The following TENM2 variants were observed in gnomAD, a reference collection of about 807,000 sequenced individuals.
TENM2 encodes teneurin transmembrane protein 2.
TENM2 carries 52 observed loss-of-function variants against 245.2 expected under a neutral mutation model. That is an observed-to-expected ratio of 0.21 (90% CI 0.17 to 0.27). TENM2 has a LOEUF of 0.27. Ranked by LOEUF, TENM2 falls within the 10% of genes least tolerant of loss-of-function variation. The pLI, the probability that TENM2 is intolerant of heterozygous loss-of-function variation, is 1.00. For missense variants in TENM2, 3,046 were observed against 3,666.8 expected (o/e 0.83, Z 4.37); for synonymous variants, 1,363 against 1,438.9 (o/e 0.95, Z 1.19).
chr5:167,025,020 T>C, the TENM2 span, among the ~76,000 whole-genome samples: 3 of 152,196 alleles, frequency 2.0e-5, no homozygotes, highest in Non-Finnish European at 4.4e-5. Flanking sequence ...AATTGTAGAC[T>C]GACAGTGATA....
chr5:167,176,104 T>C, the TENM2 span, among the ~76,000 whole-genome samples: 31 of 152,184 alleles, frequency 2.0e-4, no homozygotes, highest in Admixed American at 3.3e-4. Context: ...AGAATCCTCA[T>C]TGCACTTCAA....
the TENM2 span, among the ~76,000 whole-genome samples, chr5:167,184,181 C>A: frequency 6.6e-6 from 1 of 152,060 alleles, no homozygotes; most frequent in Admixed American, 6.6e-5. Context: ...ATTCTTAGCT[C>A]GGAATATATT....
intron 4 of TENM2, among the ~76,000 whole-genome samples, chr5:167,982,982 A>G (rs900648776): frequency 6.6e-6 from 1 of 152,034 alleles, no homozygotes; most frequent in Non-Finnish European, 1.5e-5. Context: ...ATCTACCTCT[A>G]CCTGCCGGTG....
chr5:167,494,033 G>T (rs1002717655), intron 2 of TENM2, among the ~76,000 whole-genome samples: 1 of 152,110 alleles, frequency 6.6e-6, no homozygotes, highest in Non-Finnish European at 1.5e-5. Flanking sequence ...TAGCCCTCAT[G>T]GGGAAAAATA....
chr5:167,028,570 T>G, the TENM2 span, among the ~76,000 whole-genome samples: 1 of 152,240 alleles, frequency 6.6e-6, no homozygotes, highest in Non-Finnish European at 1.5e-5. Flanking sequence ...GTGAATTTTT[T>G]AGGTGGGAGT....
intron 17 of TENM2, among the ~76,000 whole-genome samples, chr5:168,201,064 G>A (rs1159080361): frequency 6.6e-6 from 1 of 151,968 alleles, no homozygotes; most frequent in African/African-American, 2.4e-5. Flanking sequence ...CCTCAAGTAG[G>A]CACCCTCATA....
intron 2 of TENM2, among the ~76,000 whole-genome samples, chr5:167,436,333 C>T (rs7710471): frequency 0.05 from 7,673 of 152,006 alleles, 281 homozygotes; most frequent in African/African-American, 0.1. Flanking sequence ...GTGTTCCCCC[C>T]ACCTCAGCCT....
Position 167,839,315 on chromosome 5 carries a change from C to T in TENM2, c.503-36671C>T, listed in dbSNP as rs150318110. ...GCAACTGTTTATTCAGCTCATTCAA[C>T]GAACAAATAATTTCACTGATGATTT... On this transcript the variant is annotated intron_variant, in intron 2 of 28. Coordinates refer to ENST00000518659, the Ensembl canonical transcript of TENM2. 2.0e-3 allele frequency among the ~76,000 whole-genome samples: 299 copies of T among 152,252 alleles called. 2 individuals carry two copies. Among genetic ancestry groups the T allele is most frequent in the African/African-American group, 5.2e-3 (216 of 41,544 alleles).
chr5:168,078,136 G>A (rs1791646119), intron 7 of TENM2, among the ~76,000 whole-genome samples: 1 of 152,128 alleles, frequency 6.6e-6, no homozygotes, highest in Admixed American at 6.5e-5. Context: ...GGTATGAGAT[G>A]GTATCTCATT....
the TENM2 span, among the ~76,000 whole-genome samples, chr5:167,266,483 T>C: frequency 1.3e-5 from 2 of 152,150 alleles, no homozygotes; most frequent in Non-Finnish European, 2.9e-5. Flanking sequence ...GAAATTAATA[T>C]GCTGCTTAAA....
intron 2 of TENM2, among the ~76,000 whole-genome samples, chr5:167,397,144 A>G (rs996290708): frequency 6.6e-6 from 1 of 152,154 alleles, no homozygotes; most frequent in Non-Finnish European, 1.5e-5. Context: ...TAGGGACAAC[A>G]TCTTATTTAT....
chr5:167,056,546 T>C, the TENM2 span, among the ~76,000 whole-genome samples: 1 of 146,566 alleles, frequency 6.8e-6, no homozygotes, highest in Non-Finnish European at 1.5e-5. Context: ...CTATAAAATA[T>C]ATAAATATAT....
chr5:167,403,595 G>A (rs1277132365), intron 2 of TENM2, among the ~76,000 whole-genome samples: 1 of 152,128 alleles, frequency 6.6e-6, no homozygotes. Flanking sequence ...TAAAAACTGG[G>A]ATTAGAAGAT....
chr5:168,133,064 C>A (rs550238206), intron 12 of TENM2, among the ~76,000 whole-genome samples: 66 of 152,190 alleles, frequency 4.3e-4, no homozygotes, highest in Middle Eastern at 3.2e-3. Context: ...AGTCACCAAG[C>A]CTTCCCGACC....
In TENM2 at chr5:168,160,082, C is replaced by A. The variant is rs80205028; in HGVS notation, c.2423-2529C>A. 6.1e-3 allele frequency among the ~76,000 whole-genome samples: 926 copies of A among 152,280 alleles called. 12 individuals are homozygous for A. The highest frequency in any genetic ancestry group is 0.02 in the African/African-American group (835 of 41,550). On this transcript the variant is annotated intron_variant, in intron 12 of 28. Transcript: ENST00000518659. ...TCCACCAAATAGATACCATGCTGAG[C>A]AAATGTTGGTAGGTCTGTCATTTAG...
At chr5:167,907,014 C>A (rs1452633490) in intron 3 of TENM2, among the ~76,000 whole-genome samples, 1 of 152,134 alleles carries the variant, frequency 6.6e-6, no homozygotes, top group African/African-American at 2.4e-5. Context: ...AGGCGGATCA[C>A]CTGAGGTAGG....
intron 9 of TENM2, among the ~76,000 whole-genome samples, chr5:168,104,066 T>C (rs188952868): frequency 1.3e-5 from 2 of 152,260 alleles, no homozygotes; most frequent in African/African-American, 4.8e-5. Context: ...ATTTGCTCTG[T>C]CACCCAGGCT....
At chr5:168,227,820 G>A (rs1764361124) in intron 24 of TENM2, 75 bp from the exon 27 acceptor site, 1 of 968,018 alleles carries the variant, frequency 1.0e-6, no homozygotes, top group African/African-American at 1.7e-5. Context: ...AAAAAAAATA[G>A]GGGTTCTATT....
chr5:168,055,800 A>T (rs943443034), intron 6 of TENM2, among the ~76,000 whole-genome samples: 3 of 152,184 alleles, frequency 2.0e-5, no homozygotes, highest in Admixed American at 2.0e-4. Flanking sequence ...CAAAATACAG[A>T]TGAGTAGACA....
Sources: allele counts gnomAD v4.1 joint callset (sites outside exome capture counted in the v4.1 genomes callset), GRCh38; gene constraint gnomAD v4.1.1; transcripts MANE v1.5; gene names NCBI Gene and HGNC (gene_info 2026-07-23, HGNC 2026-07-21).